The following OPCML variants were observed in gnomAD, a reference collection of about 807,000 sequenced individuals.
OPCML encodes the protein opioid binding protein/cell adhesion molecule like, also known as opioid-binding protein/cell adhesion molecule.
OPCML carries 13 observed loss-of-function variants against 37.8 expected under a neutral mutation model. The ratio of observed to expected loss-of-function variants is 0.34; its 90% CI spans 0.22 to 0.55. OPCML has a LOEUF of 0.55. Among genes scored for constraint, OPCML ranks in the 20% least tolerant of loss-of-function variants. OPCML has a pLI of 0.91. For missense variants in OPCML, 341 were observed against 435.6 expected, an observed-to-expected ratio of 0.78 and a Z score of 1.93; for synonymous variants, 176 against 168.8, an observed-to-expected ratio of 1.04 and a Z score of -0.33.
chr11:132,421,162 T>C (rs1429386565), intron 7 of OPCML, among the ~76,000 whole-genome samples: 1 of 152,178 alleles, frequency 6.6e-6, no homozygotes, highest in African/African-American at 2.4e-5. Context: ...CAGGTGTATC[T>C]AACTTGGACC....
intron 1 of OPCML, among the ~76,000 whole-genome samples, chr11:133,489,555 T>C (rs1947607728): frequency 6.6e-6 from 1 of 152,124 alleles, no homozygotes; most frequent in East Asian, 1.9e-4. Flanking sequence ...AGAATGACTA[T>C]TATTAAAAAG....
At chr11:132,539,932 GTGA>G (rs998983318) in intron 3 of OPCML, among the ~76,000 whole-genome samples, 5 of 152,046 alleles carry the variant, frequency 3.3e-5, no homozygotes, top group South Asian at 4.2e-4. Context: ...GGTGATGTTG[GTGA>G]TGATGATTGT....
chr11:132,540,557 C>T (rs1487029476), intron 3 of OPCML, among the ~76,000 whole-genome samples: 1 of 152,186 alleles, frequency 6.6e-6, no homozygotes, highest in African/African-American at 2.4e-5. Context: ...ATGAGACTCC[C>T]TCCATGTCCT....
chr11:133,415,691 G>A (rs1279041513), intron 1 of OPCML, among the ~76,000 whole-genome samples: 1 of 152,190 alleles, frequency 6.6e-6, no homozygotes, highest in Non-Finnish European at 1.5e-5. Context: ...GTGATTAGGA[G>A]TATGGACCTT....
At chr11:133,158,147 A>T (rs1187722747) in intron 1 of OPCML, among the ~76,000 whole-genome samples, 1 of 152,160 alleles carries the variant, frequency 6.6e-6, no homozygotes, top group Non-Finnish European at 1.5e-5. Context: ...TTGGGGCTTT[A>T]CCGACAGGGG....
intron 2 of OPCML, among the ~76,000 whole-genome samples, chr11:132,747,687 A>C (rs1027388195): frequency 4.6e-5 from 7 of 152,250 alleles, no homozygotes; most frequent in Non-Finnish European, 5.9e-5. Flanking sequence ...ACAGAACCTC[A>C]GAAGACGGAA....
intron 1 of OPCML, among the ~76,000 whole-genome samples, chr11:133,140,571 A>AAGAAGAAGAAGAAGG: frequency 6.9e-6 from 1 of 145,850 alleles, no homozygotes; most frequent in East Asian, 2.0e-4. Flanking sequence ...GAAGAAGAAG[A>AAGAAGAAGAAGAAGG]AGAAGAAAGA....
intron 4 of OPCML, among the ~76,000 whole-genome samples, chr11:132,479,535 G>C (rs1349649153): frequency 6.6e-6 from 1 of 152,198 alleles, no homozygotes; most frequent in African/African-American, 2.4e-5. Flanking sequence ...AGCTCAAGGA[G>C]GCCTGCCTGC....
At chr11:133,379,845 C>T (rs995642827) in intron 1 of OPCML, among the ~76,000 whole-genome samples, 1 of 152,154 alleles carries the variant, frequency 6.6e-6, no homozygotes, top group African/African-American at 2.4e-5. Flanking sequence ...GCCAGCTTAA[C>T]TTTGTTTAAC....
chr11:132,599,762 A>G (rs1008304325), intron 3 of OPCML, among the ~76,000 whole-genome samples: 3 of 152,154 alleles, frequency 2.0e-5, no homozygotes, highest in African/African-American at 4.8e-5. Flanking sequence ...ACTTAACACT[A>G]TTACTATATA....
At chr11:132,940,451 C>T (rs986274296) in intron 2 of OPCML, among the ~76,000 whole-genome samples, 7 of 152,172 alleles carry the variant, frequency 4.6e-5, no homozygotes, top group Non-Finnish European at 2.9e-5. Context: ...TAATGAATCC[C>T]TAATGAATGT....
At chr11:132,743,760 T>A (rs1262737103) in intron 2 of OPCML, among the ~76,000 whole-genome samples, 1 of 152,182 alleles carries the variant, frequency 6.6e-6, no homozygotes, top group Admixed American at 6.5e-5. Flanking sequence ...ATAATTGCTT[T>A]CCGCTGAGGT....
At position 132,504,489 on chromosome 11, in the gene OPCML, A is replaced by ATGAGGGTGCAGTCATGATATCACT. The variant is rs572102739; in HGVS notation, c.505+24548_505+24571dup. Among the ~76,000 whole-genome samples, 763 of 152,266 alleles carry ATGAGGGTGCAGTCATGATATCACT rather than the reference A, an allele frequency of 5.0e-3. 5 individuals are homozygous for ATGAGGGTGCAGTCATGATATCACT. Among genetic ancestry groups the ATGAGGGTGCAGTCATGATATCACT allele is most frequent in the African/African-American group, 0.017 (708 of 41,550 alleles). On this transcript the variant is annotated intron_variant, in intron 4 of 7. Coordinates refer to ENST00000524381, the MANE Select transcript of OPCML (RefSeq NM_001012393.5). ...TGTCTCTTTTGGTCCAGGCTTTCTCATGAGGGTGCAGTCATGATATCACTT... is the reference window on the plus strand; with the variant it reads ...TGTCTCTTTTGGTCCAGGCTTTCTCATGAGGGTGCAGTCATGATATCACTTGAGGGTGCAGTCATGATATCACTT...
intron 3 of OPCML, among the ~76,000 whole-genome samples, chr11:132,568,729 G>A (rs902278944): frequency 3.9e-5 from 6 of 152,220 alleles, no homozygotes; most frequent in Non-Finnish European, 7.3e-5. Context: ...ACAACTGTGA[G>A]AGAATACATT....
At chr11:133,458,796 T>TGTGTGTATATACACATAGATGCAC (rs1946784005) in intron 1 of OPCML, among the ~76,000 whole-genome samples, 1 of 146,522 alleles carries the variant, frequency 6.8e-6, no homozygotes, top group Non-Finnish European at 1.5e-5. Context: ...TAGATGCACG[T>TGTGTGTATATACACATAGATGCAC]GTGTGTGTAT....
intron 2 of OPCML, among the ~76,000 whole-genome samples, chr11:132,879,536 A>C (rs965477037): frequency 1.3e-5 from 2 of 152,034 alleles, no homozygotes; most frequent in Non-Finnish European, 2.9e-5. Context: ...TTTTGCAAGA[A>C]ATAAAGTGGG....
rs147802750 is a variant in OPCML, at chr11:132,896,633, T to G, written c.146+46293A>C. ...TGTCTTACATCAGAGATATATCAAC[T>G]CGCCAGCTTTATGTCACAATCCAGT... On this transcript the variant is annotated intron_variant, in intron 2 of 7. Transcript: ENST00000524381. 4.5e-3 allele frequency among the ~76,000 whole-genome samples: 685 copies of G among 152,344 alleles called. 4 individuals are homozygous for G. The highest frequency in any genetic ancestry group is 0.015 in the African/African-American group (639 of 41,582).
At chr11:133,005,426 T>C in intron 1 of OPCML, 1 of 985,394 alleles carries the variant, frequency 1.0e-6, no homozygotes, top group Non-Finnish European at 1.2e-6. Flanking sequence ...ACCCATGTTC[T>C]CCTTTTCTAC....
intron 2 of OPCML, among the ~76,000 whole-genome samples, chr11:132,869,609 GA>G (rs1942717374): frequency 6.6e-6 from 1 of 152,106 alleles, no homozygotes; most frequent in Non-Finnish European, 1.5e-5. Context: ...TCCTCAAGAA[GA>G]AATACAAAAA....
Sources: gnomAD v4.1 joint callset for allele counts (sites outside exome capture counted in the v4.1 genomes callset) on GRCh38, gnomAD v4.1.1 for gene constraint, MANE v1.5 for transcripts, NCBI Gene and HGNC (gene_info 2026-07-23, HGNC 2026-07-21) for gene names.